The following DNMBP variants were observed in gnomAD, a reference collection of about 807,000 sequenced individuals.
DNMBP encodes the protein dynamin binding protein.
Under a neutral mutation model 150.0 loss-of-function variants are expected in DNMBP, and 87 were observed. The observed-to-expected ratio is 0.58, with a 90% confidence interval of 0.49 to 0.69. The LOEUF (loss-of-function observed/expected upper bound fraction) is 0.69, where lower values mean the gene tolerates loss of function less well. Among genes scored for constraint, DNMBP ranks in the 30% least tolerant of loss-of-function variants. DNMBP has a pLI of 0.00. For synonymous variants in DNMBP, 711 were observed against 750.4 expected (o/e 0.95, Z 0.86); for missense variants, 1,774 against 1,949.0 (o/e 0.91, Z 1.69).
At chr10:100,007,685 T>C (rs2041090065) in intron 1 of DNMBP, among the ~76,000 whole-genome samples, 2 of 152,214 alleles carry the variant, frequency 1.3e-5, no homozygotes, top group Non-Finnish European at 2.9e-5. Context: ...CTGCCTTTCA[T>C]AGCAGGGAGG....
chr10:99,899,381 C>T (rs1175764121), intron 7 of DNMBP, among the ~76,000 whole-genome samples: 1 of 152,082 alleles, frequency 6.6e-6, no homozygotes, highest in Non-Finnish European at 1.5e-5. Context: ...GCAGGCGGAT[C>T]ACTTGAGGTC....
chr10:99,938,629 G>A (rs570434046), intron 4 of DNMBP, among the ~76,000 whole-genome samples: 2 of 152,184 alleles, frequency 1.3e-5, no homozygotes, highest in Non-Finnish European at 2.9e-5. Context: ...CCCTTTCTAA[G>A]TCCGATTGCC....
intron 3 of DNMBP, among the ~76,000 whole-genome samples, chr10:99,966,711 G>T (rs1432905684): frequency 6.6e-6 from 1 of 152,142 alleles, no homozygotes; most frequent in Non-Finnish European, 1.5e-5. Flanking sequence ...CTGAAGTAGA[G>T]ACTGAGTATA....
At position 99,953,819 on chromosome 10, in the gene DNMBP, A is replaced by AAAAAAAAAAAAAAAAG. The variant is rs1229016312; in HGVS notation, c.2260+1394_2260+1395insCTTTTTTTTTTTTTTT. ...ACAGAGTAAGACTCTGTCTCAAAAA[A>AAAAAAAAAAAAAAAAG]AAAAAGAAAAAAAAGAAATCTACTC... On this transcript the variant is annotated intron_variant, in intron 4 of 16. Transcript: ENST00000324109. Among the ~76,000 whole-genome samples the AAAAAAAAAAAAAAAAG allele has an allele frequency of 1.3e-3, 170 of 133,500 alleles. 4 individuals carry two copies. Among genetic ancestry groups the AAAAAAAAAAAAAAAAG allele is most frequent in the South Asian group, 4.2e-3 (18 of 4,272 alleles). 87.6% of individuals were successfully genotyped at this position (133,500 alleles called of 152,430 possible). A position where few individuals can be genotyped will look rare whatever the true frequency, so the allele number is the denominator to read the frequency against.
At chr10:99,945,900 A>G (rs1185785050) in intron 4 of DNMBP, among the ~76,000 whole-genome samples, 1 of 152,268 alleles carries the variant, frequency 6.6e-6, no homozygotes, top group African/African-American at 2.4e-5. Context: ...AACATTAAAA[A>G]GAAAATGAGC....
At chr10:99,969,647 G>A (rs541959107) in intron 2 of DNMBP, among the ~76,000 whole-genome samples, 12 of 152,300 alleles carry the variant, frequency 7.9e-5, no homozygotes, top group African/African-American at 2.4e-4. Flanking sequence ...AATAGGTCAG[G>A]AAGAACATAA....
At chr10:99,884,306 G>C (rs2039422634) in intron 14 of DNMBP, 97 bp from the exon 15 acceptor site, 3 of 1,107,020 alleles carry the variant, frequency 2.7e-6, no homozygotes, top group Non-Finnish European at 3.9e-6. Flanking sequence ...ATGAGGCAGG[G>C]ACAGTCAGTC....
chr10:99,994,414 A>G (rs2040929951), intron 1 of DNMBP, among the ~76,000 whole-genome samples: 1 of 152,196 alleles, frequency 6.6e-6, no homozygotes, highest in African/African-American at 2.4e-5. Flanking sequence ...GACGATTATG[A>G]CCATCATCAC....
At chr10:99,950,204 A>G (rs2040403107) in intron 4 of DNMBP, among the ~76,000 whole-genome samples, 1 of 152,246 alleles carries the variant, frequency 6.6e-6, no homozygotes, top group South Asian at 2.1e-4. Flanking sequence ...GCCAGCTGCC[A>G]TCCACGTAAG....
intron 15 of DNMBP, among the ~76,000 whole-genome samples, chr10:99,880,592 G>A (rs2039351987): frequency 6.6e-6 from 1 of 152,164 alleles, no homozygotes; most frequent in Admixed American, 6.5e-5. Flanking sequence ...GAGATGAAGA[G>A]CCGCAGCTGC....
chr10:99,916,683 T>C (rs904584482), intron 4 of DNMBP, among the ~76,000 whole-genome samples: 1 of 152,126 alleles, frequency 6.6e-6, no homozygotes, highest in African/African-American at 2.4e-5. Flanking sequence ...CTCAATACTT[T>C]ATCTACTTTA....
At chr10:99,966,617 G>A (rs754066076) in intron 3 of DNMBP, among the ~76,000 whole-genome samples, 1 of 152,194 alleles carries the variant, frequency 6.6e-6, no homozygotes, top group Non-Finnish European at 1.5e-5. Flanking sequence ...AGAGCTATGA[G>A]TAAGGACAGA....
intron 1 of DNMBP, among the ~76,000 whole-genome samples, chr10:100,004,566 T>C (rs941899930): frequency 1.3e-5 from 2 of 152,168 alleles, no homozygotes; most frequent in African/African-American, 4.8e-5. Flanking sequence ...ATGGATTTTG[T>C]TGACATGTTA....
intron 4 of DNMBP, among the ~76,000 whole-genome samples, chr10:99,935,564 TTTGTTG>T (rs572903602): frequency 2.6e-5 from 4 of 151,898 alleles, no homozygotes; most frequent in South Asian, 4.2e-4. Flanking sequence ...ACTTAAATTT[TTTGTTG>T]TTGTTGTTGT....
intron 1 of DNMBP, among the ~76,000 whole-genome samples, chr10:99,994,840 A>G (rs2040934368): frequency 6.6e-6 from 1 of 152,158 alleles, no homozygotes; most frequent in Admixed American, 6.5e-5. Context: ...CTCCTGCAAT[A>G]GCTTCCTAAA....
chr10:99,946,373 G>C (rs961619773), intron 4 of DNMBP, among the ~76,000 whole-genome samples: 2 of 152,312 alleles, frequency 1.3e-5, no homozygotes, highest in Middle Eastern at 6.8e-3. Context: ...CTATCAGATA[G>C]AGCAACTAAT....
chr10:99,978,799 T>G (rs1035803551), intron 1 of DNMBP, among the ~76,000 whole-genome samples: 4 of 152,194 alleles, frequency 2.6e-5, no homozygotes, highest in Non-Finnish European at 4.4e-5. Context: ...GGTCTTGAAC[T>G]CCTCAACTCA....
chr10:99,935,109 A>AAAAAG (rs1564737858), intron 4 of DNMBP, among the ~76,000 whole-genome samples: 2 of 150,546 alleles, frequency 1.3e-5, no homozygotes, highest in Admixed American at 6.6e-5. Flanking sequence ...AAAAAAAAAA[A>AAAAAG]AAAAGAAAAG....
intron 1 of DNMBP, among the ~76,000 whole-genome samples, chr10:100,006,169 G>C (rs991013258): frequency 6.6e-6 from 1 of 152,238 alleles, no homozygotes; most frequent in Non-Finnish European, 1.5e-5. Context: ...GGGATGAGCA[G>C]AGAATATTTA....
Sources: gnomAD v4.1 joint callset for allele counts (sites outside exome capture counted in the v4.1 genomes callset) on GRCh38, gnomAD v4.1.1 for gene constraint, MANE v1.5 for transcripts, NCBI Gene and HGNC (gene_info 2026-07-23, HGNC 2026-07-21) for gene names.